Variants in ARID4B observed in about 807,000 individuals in gnomAD.
ARID4B encodes the protein AT-rich interaction domain 4B, also known as AT-rich interactive domain-containing protein 4B.
A neutral mutation model predicts 147.5 loss-of-function variants in ARID4B; 26 were observed. That is an observed-to-expected ratio of 0.18 (90% CI 0.13 to 0.24). The LOEUF (loss-of-function observed/expected upper bound fraction) is 0.24. Among genes scored for constraint, ARID4B ranks in the 10% least tolerant of loss-of-function variants. ARID4B has a pLI of 1.00. For missense variants in ARID4B, 1,179 were observed against 1,511.5 expected, an observed-to-expected ratio of 0.78 and a Z score of 3.65; for synonymous variants, 512 against 507.9, an observed-to-expected ratio of 1.01 and a Z score of -0.11.
intron 2 of ARID4B, among the ~76,000 whole-genome samples, chr1:235,295,106 A>G (rs1672599216): frequency 2.0e-5 from 3 of 152,112 alleles, no homozygotes; most frequent in Admixed American, 2.0e-4. Context: ...AAATAGACAG[A>G]CAAAGGAATC....
At chr1:235,236,509 T>C (rs1328869099) in intron 8 of ARID4B, among the ~76,000 whole-genome samples, 2 of 149,268 alleles carry the variant, frequency 1.3e-5, no homozygotes, top group African/African-American at 5.0e-5. Context: ...TGTGTGTGTG[T>C]GTGTGTGTGT....
At chr1:235,269,939 TTTTG>T (rs1180121083) in intron 2 of ARID4B, among the ~76,000 whole-genome samples, 6 of 152,110 alleles carry the variant, frequency 3.9e-5, no homozygotes, top group African/African-American at 2.4e-5. Flanking sequence ...TGTTTTTGTT[TTTTG>T]TTTGTCTGTT....
At chr1:235,260,534 T>TTTA in intron 3 of ARID4B, 108 bp downstream of exon 3, 1 of 692,264 alleles carries the variant, frequency 1.4e-6, no homozygotes, top group Non-Finnish European at 2.3e-6. Context: ...TTTACAACCT[T>TTTA]CACTCCTAGA....
At chr1:235,309,488 C>T (rs1170543287) in intron 2 of ARID4B, among the ~76,000 whole-genome samples, 5 of 148,466 alleles carry the variant, frequency 3.4e-5, no homozygotes, top group African/African-American at 7.4e-5. Flanking sequence ...TCTGCCCGGC[C>T]GCCCCTACTG....
chr1:235,199,998 A>G (rs1482255038), intron 17 of ARID4B, among the ~76,000 whole-genome samples: 1 of 147,284 alleles, frequency 6.8e-6, no homozygotes, highest in East Asian at 1.9e-4. Context: ...TTTTCAAAGA[A>G]TAGGGAAAAA....
At chr1:235,244,501 G>A (rs1208250340) in intron 7 of ARID4B, among the ~76,000 whole-genome samples, 1 of 151,772 alleles carries the variant, frequency 6.6e-6, no homozygotes, top group Non-Finnish European at 1.5e-5. Flanking sequence ...TTTAGCTAGA[G>A]GATGATAATC....
chr1:235,240,623 T>A, intron 7 of ARID4B, 172 bp from the exon 8 acceptor site: 1 of 643,510 alleles, frequency 1.6e-6, no homozygotes, highest in East Asian at 2.9e-5. Flanking sequence ...CAAGAGTTTA[T>A]CATGAGAGGA....
chr1:235,282,857 T>C (rs1027372683), intron 2 of ARID4B, among the ~76,000 whole-genome samples: 5 of 152,208 alleles, frequency 3.3e-5, no homozygotes, highest in Non-Finnish European at 5.9e-5. Flanking sequence ...CTCGGCTCAC[T>C]GCAACCTCCG....
At chr1:235,242,157 A>G (rs1669026479) in intron 7 of ARID4B, among the ~76,000 whole-genome samples, 1 of 151,912 alleles carries the variant, frequency 6.6e-6, no homozygotes, top group Non-Finnish European at 1.5e-5. Flanking sequence ...CTGAGGCAGG[A>G]GAATTGCCTG....
intron 19 of ARID4B, among the ~76,000 whole-genome samples, chr1:235,187,452 A>T (rs928560905): frequency 1.3e-5 from 2 of 152,164 alleles, no homozygotes; most frequent in Non-Finnish European, 2.9e-5. Flanking sequence ...GCCCTATTAA[A>T]ACTTGATTGA....
At chr1:235,326,269 A>G (rs184234267) in intron 2 of ARID4B, among the ~76,000 whole-genome samples, 54 of 152,276 alleles carry the variant, frequency 3.5e-4, no homozygotes, top group African/African-American at 9.6e-4. Flanking sequence ...TTCTCCACTC[A>G]GTTAACATAT....
chr1:235,247,687 C>T (rs908531862), intron 6 of ARID4B, among the ~76,000 whole-genome samples: 7 of 152,216 alleles, frequency 4.6e-5, no homozygotes, highest in Admixed American at 2.0e-4. Flanking sequence ...TTAAATCAGG[C>T]ATTTAAAAAA....
chr1:235,235,046 T>C (rs571580992), intron 8 of ARID4B, among the ~76,000 whole-genome samples: 61 of 152,092 alleles, frequency 4.0e-4, no homozygotes, highest in African/African-American at 1.4e-3. Flanking sequence ...GAGTGAGAGG[T>C]GGTGGCTTGG....
intron 2 of ARID4B, among the ~76,000 whole-genome samples, chr1:235,317,914 C>G (rs1439391804): frequency 6.6e-6 from 1 of 152,050 alleles, no homozygotes; most frequent in Non-Finnish European, 1.5e-5. Context: ...CTCAGCACTC[C>G]CCAGGTTATC....
At chr1:235,180,461 T>C (rs1664243574) in intron 20 of ARID4B, 1 of 152,136 alleles carries the variant, frequency 6.6e-6, no homozygotes, top group Non-Finnish European at 1.5e-5. Flanking sequence ...ATCTTACTGT[T>C]GAAAGCCTAA....
intron 19 of ARID4B, among the ~76,000 whole-genome samples, chr1:235,188,285 C>T (rs1238590278): frequency 1.3e-5 from 2 of 152,068 alleles, no homozygotes; most frequent in Non-Finnish European, 1.5e-5. Context: ...AAATGAATGA[C>T]GGGCACCAAA....
rs572381678 is a variant in ARID4B at position 235,168,338 on chromosome 1, G to A, written c.*187C>T. On this transcript the variant is annotated 3_prime_UTR_variant, in exon 24 of 24. Coordinates refer to ENST00000264183, the MANE Select transcript of ARID4B (RefSeq NM_016374.6). ...CAAGTTGGAAACAATTATTGCTTGA[G>A]GAAAAGCAGTTCATTGTACTTTTTC... The A allele has an allele frequency of 2.7e-4, 154 of 565,352 alleles. 4 individuals are homozygous for A. In the South Asian group the frequency reaches 3.8e-3, roughly 14 times the overall value. 35.0% of individuals were successfully genotyped at this position (565,352 alleles called of 1,614,324 possible). A position where few individuals can be genotyped will look rare whatever the true frequency, so the allele number is the denominator to read the frequency against.
chr1:235,168,242 C>A lies in ARID4B; in HGVS notation c.*283G>T, dbSNP rs189612600. 333 of 342,810 alleles carry A rather than the reference C, an allele frequency of 9.7e-4. 4 individuals carry two copies. Among genetic ancestry groups the A allele is most frequent in the East Asian group, 5.8e-4 (12 of 20,684 alleles). 21.2% of individuals were successfully genotyped at this position (342,810 alleles called of 1,614,324 possible). A position where few individuals can be genotyped will look rare whatever the true frequency, so the allele number is the denominator to read the frequency against. On this transcript the variant is annotated 3_prime_UTR_variant, in exon 24 of 24. Coordinates refer to ENST00000264183, the MANE Select transcript of ARID4B (RefSeq NM_016374.6). ...CTTAACTATGCTTACTGTATTGTCT[C>A]TACAGGCAGTGAAAAGCCTCCATTT...
intron 17 of ARID4B, among the ~76,000 whole-genome samples, chr1:235,199,048 G>A (rs568005524): frequency 3.3e-4 from 50 of 152,222 alleles, no homozygotes; most frequent in Admixed American, 1.8e-3. Context: ...GCAGTGAGCC[G>A]AGATCGCGCC....
Sources: gnomAD v4.1 joint callset for allele counts (sites outside exome capture counted in the v4.1 genomes callset) on GRCh38, gnomAD v4.1.1 for gene constraint, MANE v1.5 for transcripts, NCBI Gene and HGNC (gene_info 2026-07-23, HGNC 2026-07-21) for gene names.